HERC1: variants seen among roughly 807,000 people sequenced by gnomAD.
The protein encoded by HERC1 is probable E3 ubiquitin-protein ligase HERC1.
Under a neutral mutation model 554.3 loss-of-function variants are expected in HERC1, and 160 were observed. The observed-to-expected ratio is 0.29, with a 90% CI of 0.25 to 0.33. The LOEUF (loss-of-function observed/expected upper bound fraction) is 0.33. Ranked by LOEUF, HERC1 falls within the 10% of genes least tolerant of loss-of-function variation. The pLI, the probability that HERC1 is intolerant of heterozygous loss-of-function variation, is 1.00. For missense variants in HERC1, 4,919 were observed against 5,918.5 expected, an observed-to-expected ratio of 0.83 and a Z score of 5.54; for synonymous variants, 2,175 against 2,131.7, an observed-to-expected ratio of 1.02 and a Z score of -0.56.
At chr15:63,802,931 T>C (rs966449411) in intron 1 of HERC1, among the ~76,000 whole-genome samples, 2 of 152,336 alleles carry the variant, frequency 1.3e-5, no homozygotes, top group African/African-American at 4.8e-5. Flanking sequence ...AAATAGGGGC[T>C]GCGTGTGGTG....
chr15:63,678,658 T>C (rs1274799791), intron 36 of HERC1, among the ~76,000 whole-genome samples: 1 of 152,196 alleles, frequency 6.6e-6, no homozygotes, highest in Non-Finnish European at 1.5e-5. Flanking sequence ...CGTATATGAC[T>C]GACTCAATTT....
rs1175994558 is a variant in HERC1, at chr15:63,769,365, A to C, written c.931-5174T>G. Among the ~76,000 whole-genome samples, 5 of 152,120 alleles carry C rather than the reference A, an allele frequency of 3.3e-5. 1 individual carries two copies. Among genetic ancestry groups the C allele is most frequent in the Admixed American group, 3.3e-4 (5 of 15,256 alleles). The stretch of plus-strand genomic sequence containing the variant: ...AACCTGGGAGGCGGGAGCTGCAGTG[A>C]GACGAGATCTTGCCACTGCACTCCA... On this transcript the variant is annotated intron_variant, in intron 2 of 77. Transcript: ENST00000443617.
At chr15:63,610,037 C>T (rs939594706) in intron 77 of HERC1, among the ~76,000 whole-genome samples, 1 of 152,082 alleles carries the variant, frequency 6.6e-6, no homozygotes, top group African/African-American at 2.4e-5. Context: ...TATATACGTT[C>T]CCTATCCCTC....
At chr15:63,782,272 T>G in intron 1 of HERC1, among the ~76,000 whole-genome samples, 1 of 152,144 alleles carries the variant, frequency 6.6e-6, no homozygotes, top group East Asian at 1.9e-4. Flanking sequence ...ACAGGTTGAG[T>G]CTCTTGCTAA....
chr15:63,802,404 C>G (rs1363729926), intron 1 of HERC1, among the ~76,000 whole-genome samples: 1 of 152,144 alleles, frequency 6.6e-6, no homozygotes, highest in African/African-American at 2.4e-5. Flanking sequence ...GTCAAATAAA[C>G]CTGGAAACAG....
chr15:63,648,996 G>T (rs1403066844), intron 54 of HERC1, among the ~76,000 whole-genome samples: 1 of 152,152 alleles, frequency 6.6e-6, no homozygotes, highest in African/African-American at 2.4e-5. Context: ...AATCTCTCTT[G>T]TCAGACCAGG....
At chr15:63,828,872 T>C (rs2078030725) in intron 1 of HERC1, among the ~76,000 whole-genome samples, 1 of 152,154 alleles carries the variant, frequency 6.6e-6, no homozygotes, top group Non-Finnish European at 1.5e-5. Context: ...TTTGACTAGA[T>C]ACTATAAGGC....
intron 2 of HERC1, among the ~76,000 whole-genome samples, chr15:63,769,328 G>C (rs1018477161): frequency 6.6e-6 from 1 of 151,986 alleles, no homozygotes; most frequent in Non-Finnish European, 1.5e-5. Context: ...CTGAGGCAGG[G>C]AGAACTGCTT....
rs2068278548 is a variant in HERC1 at position 63,625,813 on chromosome 15, C to T, written c.13275+172G>A. 5 of 746,472 alleles carry T rather than the reference C, an allele frequency of 6.7e-6. No individual in the cohort carries two copies. The Admixed American group carries it at 8.6e-5, about 13-fold the overall frequency. 46.2% of individuals were successfully genotyped at this position (746,472 alleles called of 1,614,324 possible). ...CTCTGTCCAGCAGCATCATGTCCAA[C>T]CTCTAGACTGTCCCTAACACAGCAA... On this transcript the variant is annotated intron_variant, in intron 71 of 77. Transcript: ENST00000443617.
intron 1 of HERC1, among the ~76,000 whole-genome samples, chr15:63,784,064 CAA>C (rs35436692): frequency 1.8e-4 from 23 of 126,034 alleles, no homozygotes; most frequent in Middle Eastern, 3.9e-3. Flanking sequence ...GACTCTATCT[CAA>C]AAAAAAAAAA....
chr15:63,801,560 G>A (rs763107821), intron 1 of HERC1, among the ~76,000 whole-genome samples: 7 of 152,186 alleles, frequency 4.6e-5, no homozygotes, highest in Non-Finnish European at 1.0e-4. Context: ...CAGAGCAGAG[G>A]CAGTATCGAT....
intron 61 of HERC1, 62 bp downstream of exon 61, chr15:63,640,090 A>T: frequency 6.7e-7 from 1 of 1,488,648 alleles, no homozygotes; most frequent in Non-Finnish European, 9.3e-7. Context: ...GGGGTCTGCT[A>T]CATGCCCAAT....
At chr15:63,830,840 C>T (rs74019049) in intron 1 of HERC1, among the ~76,000 whole-genome samples, 2 of 152,104 alleles carry the variant, frequency 1.3e-5, no homozygotes, top group South Asian at 2.1e-4. Context: ...TTAGAGAGCC[C>T]GGTAGGCAAC....
At chr15:63,735,964 A>G (rs886994329) in intron 12 of HERC1, among the ~76,000 whole-genome samples, 2 of 152,176 alleles carry the variant, frequency 1.3e-5, no homozygotes, top group African/African-American at 4.8e-5. Context: ...AAAGGTGACT[A>G]AGGATTAAGA....
intron 12 of HERC1, among the ~76,000 whole-genome samples, chr15:63,737,544 TATATC>T (rs1254582469): frequency 1.0e-4 from 12 of 119,320 alleles, no homozygotes; most frequent in African/African-American, 2.5e-4. Context: ...TATATATATA[TATATC>T]TTTTTTTTTT....
chr15:63,756,649 T>C lies in HERC1; in HGVS notation c.1321A>G (p.Asn441Asp). ...SYGRLGLGDSNNQSTLKKLTF... is the reference protein window; with the variant it reads ...SYGRLGLGDSDNQSTLKKLTF... ...AACTTTTTTAAAGTTGACTGATTAT[T>C]GGAGTCTCCAAGGCCCAGTCTCCCA... is the stretch of plus-strand genomic sequence containing the variant. Residue 441 changes from asparagine (N) to aspartate (D), a missense_variant, in exon 5 of 78, where the codon AAT (asparagine) becomes GAT (aspartate). This residue lies in a region of HERC1 where 744 missense variants were observed against 1,090.0 expected (regional missense o/e 0.68). Coordinates refer to ENST00000443617, the MANE Select transcript of HERC1 (RefSeq NM_003922.4). The surrounding 1 kb of genome is among the most constrained non-coding windows in gnomAD (Gnocchi z 5.0). 1 of 1,613,286 alleles carries C rather than the reference T, an allele frequency of 6.2e-7. No homozygotes were observed. The highest frequency in any genetic ancestry group is 8.5e-7 in the Non-Finnish European group (1 of 1,179,370).
At chr15:63,768,293 T>A (rs369210511) in intron 2 of HERC1, among the ~76,000 whole-genome samples, 5 of 152,340 alleles carry the variant, frequency 3.3e-5, no homozygotes, top group East Asian at 1.9e-4. Flanking sequence ...AAAATACAGA[T>A]CCTAATCAGT....
intron 64 of HERC1, among the ~76,000 whole-genome samples, chr15:63,636,550 C>T (rs1410852280): frequency 2.0e-5 from 3 of 152,152 alleles, no homozygotes; most frequent in African/African-American, 7.2e-5. Context: ...GGTTTACAGG[C>T]ATGAGCCACA....
rs35213471 is a variant in HERC1, at chr15:63,706,030, C to CAAAAAAAAAAAAAAAAAA, written c.4636+732_4636+749dup. Among the ~76,000 whole-genome samples the CAAAAAAAAAAAAAAAAAA allele has an allele frequency of 4.3e-5, 2 of 46,812 alleles. 1 individual carries two copies. Among genetic ancestry groups the CAAAAAAAAAAAAAAAAAA allele is most frequent in the Non-Finnish European group, 7.5e-5 (2 of 26,510 alleles). 30.7% of individuals were successfully genotyped at this position (46,812 alleles called of 152,430 possible). On this transcript the variant is annotated intron_variant, in intron 25 of 77. Transcript: ENST00000443617. ...GGACAACAAAGCAAGACCCTGTCTC[C>CAAAAAAAAAAAAAAAAAA]AAAAAAAAAAAAAAAAAAAAAAGCA...
Sources: allele counts gnomAD v4.1 joint callset (sites outside exome capture counted in the v4.1 genomes callset), GRCh38; gene constraint gnomAD v4.1.1; regional missense constraint gnomAD v4.1.1; non-coding constraint Gnocchi (gnomAD v3.1); transcripts MANE v1.5; gene names NCBI Gene and HGNC (gene_info 2026-07-23, HGNC 2026-07-21).